Variants in ATAD3A observed in about 807,000 individuals in gnomAD.
ATAD3A encodes ATPase family AAA domain-containing protein 3A.
In ATAD3A, 46 loss-of-function variants were observed where a neutral mutation model predicts 73.8. The observed-to-expected ratio is 0.62, with a 90% CI of 0.49 to 0.80. ATAD3A has a LOEUF of 0.80. Ranked by LOEUF, ATAD3A falls within the 30% of genes least tolerant of loss-of-function variation. ATAD3A has a pLI of 0.00. For synonymous variants in ATAD3A, 319 were observed against 350.0 expected, an observed-to-expected ratio of 0.91 and a Z score of 0.99; for missense variants, 705 against 838.0, an observed-to-expected ratio of 0.84 and a Z score of 1.96.
rs770982421 is a variant in ATAD3A at position 1,523,554 on chromosome 1, G to T, written c.950G>T (p.Gly317Val). The T allele has an allele frequency of 1.5e-5, 24 of 1,613,052 alleles. 1 individual carries two copies. The South Asian group carries it at 1.8e-4, about 12-fold the overall frequency. ...AGTCGACCCCAGGACGCGCTGGAGG[G>T]TGTTGTGCTCAGTGTAAGTCGGTGT... Reference protein sequence around the residue: ...LLSRPQDALEGVVLSPSLEAR... With the variant: ...LLSRPQDALEVVVLSPSLEAR... Residue 317 changes from glycine (G) to valine (V), a missense_variant, in exon 9 of 16, where the codon GGT (glycine) becomes GTT (valine). Gly to Val is a moderately radical substitution (Grantham distance 109). Coordinates refer to ENST00000378756, the MANE Select transcript of ATAD3A (RefSeq NM_001170535.3). The surrounding 1 kb of genome is among the most constrained non-coding windows in gnomAD (Gnocchi z 5.1).
intron 13 of ATAD3A, among the ~76,000 whole-genome samples, chr1:1,526,799 T>C (rs1641863211): frequency 6.6e-6 from 1 of 152,238 alleles, no homozygotes; most frequent in South Asian, 2.1e-4. Context: ...TGCAGGTCCC[T>C]CTGCCCCTAG....
Position 1,534,548 on chromosome 1 carries a change from TCA to T in ATAD3A, c.*482_*483del, listed in dbSNP as rs1049392901. On this transcript the variant is annotated 3_prime_UTR_variant, in exon 16 of 16. Transcript: ENST00000378756. ...CCTGTGGCCGGCATGCCCCGATCTT[TCA>T]CACACTGGTGACCCTGAGAGAGGAG... is the stretch of plus-strand genomic sequence containing the variant. 1.3e-5 allele frequency: 5 copies of T among 383,994 alleles called. No homozygotes were observed. The highest frequency in any genetic ancestry group is 4.8e-5 in the Admixed American group (1 of 20,700). The allele number at this position is 383,994 out of a possible 1,614,324, so 23.8% of individuals were successfully genotyped here. A position where few individuals can be genotyped will look rare whatever the true frequency, so the allele number is the denominator to read the frequency against.
chr1:1,529,146 C>A (rs902135391), intron 14 of ATAD3A, 77 bp from the exon 15 acceptor site: 2 of 1,573,900 alleles, frequency 1.3e-6, no homozygotes, highest in African/African-American at 2.7e-5. Flanking sequence ...GTCGGCCTCG[C>A]TGCCTGTCTT....
At chr1:1,518,666 TACACACACAC>T (rs113798902) in intron 4 of ATAD3A, among the ~76,000 whole-genome samples, 8 of 41,298 alleles carry the variant, frequency 1.9e-4, no homozygotes, top group Admixed American at 1.4e-3. Flanking sequence ...CCCGCACGGG[TACACACACAC>T]ACACACACAC....
At chr1:1,512,673 C>G (rs1404600829) in intron 1 of ATAD3A, 200 bp downstream of exon 1, 1 of 1,342,670 alleles carries the variant, frequency 7.4e-7, no homozygotes, top group African/African-American at 1.5e-5. Flanking sequence ...ACCTCTGCAG[C>G]TGTCAGGAGC....
rs1290612336 is a variant in ATAD3A, at chr1:1,517,700, C to T, written c.385-16C>T. ...TCCCGGCTGAGATGTGTCTTTGCCG[C>T]CCTCTTCTCCCCCAGAGGGCCCAGT... On this transcript the variant is annotated splice_polypyrimidine_tract_variant and intron_variant, in intron 3 of 15. Coordinates refer to ENST00000378756, the MANE Select transcript of ATAD3A (RefSeq NM_001170535.3). The T allele has an allele frequency of 3.7e-6, 5 of 1,345,296 alleles. No homozygotes were observed. The highest frequency in any genetic ancestry group is 3.6e-5 in the Admixed American group (2 of 55,986). 83.3% of individuals were successfully genotyped at this position (1,345,296 alleles called of 1,614,324 possible).
chr1:1,512,704 T>G, intron 1 of ATAD3A: 1 of 1,245,874 alleles, frequency 8.0e-7, no homozygotes, highest in Non-Finnish European at 1.0e-6. Context: ...CGGAAAGCGG[T>G]GCGGAGGTGG....
chr1:1,521,329 A>AC lies in ATAD3A; in HGVS notation c.750+714dup, dbSNP rs70949594. 2.3e-4 allele frequency among the ~76,000 whole-genome samples: 34 copies of AC among 149,536 alleles called. No individual in the cohort carries two copies. The East Asian group carries it at 6.5e-3, about 29-fold the overall frequency. On this transcript the variant is annotated intron_variant, in intron 7 of 15. Coordinates refer to ENST00000378756, the MANE Select transcript of ATAD3A (RefSeq NM_001170535.3). ...AAAAAAAAAAAAAAAAAAAAAAAAAACCAGAAGGCAACCCTGACTCCATTT... is the reference window on the plus strand; with the variant it reads ...AAAAAAAAAAAAAAAAAAAAAAAAAACCCAGAAGGCAACCCTGACTCCATTT...
chr1:1,521,694 G>A (rs1242087389), intron 7 of ATAD3A, among the ~76,000 whole-genome samples: 1 of 152,220 alleles, frequency 6.6e-6, no homozygotes, highest in Non-Finnish European at 1.5e-5. Flanking sequence ...TTAATGCGCC[G>A]ATGACTTTTG....
intron 12 of ATAD3A, among the ~76,000 whole-genome samples, chr1:1,526,146 C>T (rs188122389): frequency 6.6e-6 from 1 of 152,150 alleles, no homozygotes; most frequent in Admixed American, 6.5e-5. Context: ...CCTCAGCCTC[C>T]CACGTAGCTG....
In ATAD3A at chr1:1,523,425, T is replaced by C; in HGVS notation, c.907-86T>C. On this transcript the variant is annotated intron_variant, in intron 8 of 15. Transcript: ENST00000378756. This position sits in a 1 kb window ranked among gnomAD's most constrained non-coding sequence, Gnocchi z 5.1. Reference sequence around the variant, plus strand: ...GCTTTGGGGCAGCTCCGTTTCTGCGTGTTACCGAGCGTGTGTGTGCGCGTT... The same window carrying C: ...GCTTTGGGGCAGCTCCGTTTCTGCGCGTTACCGAGCGTGTGTGTGCGCGTT... The C allele has an allele frequency of 6.5e-7, 1 of 1,549,600 alleles. No individual in the cohort carries two copies. Among genetic ancestry groups the C allele is most frequent in the Non-Finnish European group, 8.7e-7 (1 of 1,143,632 alleles).
At chr1:1,526,622 C>G (rs1353840235) in intron 13 of ATAD3A, 91 bp downstream of exon 13, 1 of 1,595,170 alleles carries the variant, frequency 6.3e-7, no homozygotes, top group Non-Finnish European at 8.5e-7. Context: ...GGCCCTGGCT[C>G]ACAGTGCTGG....
chr1:1,516,139 G>T, intron 2 of ATAD3A, 51 bp downstream of exon 2: 4 of 1,610,166 alleles, frequency 2.5e-6, no homozygotes, highest in Non-Finnish European at 3.4e-6. Flanking sequence ...TGGGGTTCGG[G>T]CATGGAGATT....
intron 15 of ATAD3A, among the ~76,000 whole-genome samples, chr1:1,529,856 G>T (rs947739700): frequency 2.0e-5 from 3 of 152,234 alleles, no homozygotes; most frequent in African/African-American, 7.2e-5. Flanking sequence ...GGGCTGAGGA[G>T]CCAGGACTCA....
In ATAD3A at chr1:1,523,805, A is replaced by G. The variant is rs1641696465; in HGVS notation, c.964-34A>G. 5 of 1,613,520 alleles carry G rather than the reference A, an allele frequency of 3.1e-6. No homozygotes were observed. In the East Asian group the frequency reaches 6.7e-5, roughly 22 times the overall value. On this transcript the variant is annotated intron_variant, in intron 9 of 15. Transcript: ENST00000378756. This position sits in a 1 kb window ranked among gnomAD's most constrained non-coding sequence, Gnocchi z 5.1. ...TCCCCTGAGGCTTCCATGGGTGCAC[A>G]GTGTCTCCTCCAAACCCCCGTCTTC... is the stretch of plus-strand genomic sequence containing the variant.
chr1:1,514,809 C>T (rs1275454125), intron 1 of ATAD3A, among the ~76,000 whole-genome samples: 3 of 152,206 alleles, frequency 2.0e-5, no homozygotes, highest in Non-Finnish European at 4.4e-5. Flanking sequence ...GGGAACAACG[C>T]ACCAACCCAG....
At position 1,521,590 on chromosome 1, in the gene ATAD3A, T is replaced by C. The variant is rs180967524; in HGVS notation, c.750+973T>C. Among the ~76,000 whole-genome samples, 280 of 152,352 alleles carry C rather than the reference T, an allele frequency of 1.8e-3. 3 individuals are homozygous for C. Among genetic ancestry groups the C allele is most frequent in the Non-Finnish European group, 3.1e-3 (211 of 68,038 alleles). On this transcript the variant is annotated intron_variant, in intron 7 of 15. Coordinates refer to ENST00000378756, the MANE Select transcript of ATAD3A (RefSeq NM_001170535.3). Reference sequence around the variant, plus strand: ...CGCCCAGAGCTGTGACTGCAGCGCCTGCCGGTGGCCTGGTCAGTGTGACGG... The same window carrying C: ...CGCCCAGAGCTGTGACTGCAGCGCCCGCCGGTGGCCTGGTCAGTGTGACGG...
chr1:1,528,647 A>G (rs544502938), intron 14 of ATAD3A, among the ~76,000 whole-genome samples: 1 of 152,336 alleles, frequency 6.6e-6, no homozygotes, highest in East Asian at 1.9e-4. Context: ...TGCCTCGGGA[A>G]CACTCCAGAT....
At chr1:1,529,416 G>A (rs963285137) in intron 15 of ATAD3A, 85 bp downstream of exon 15, 31 of 1,498,832 alleles carry the variant, frequency 2.1e-5, no homozygotes, top group African/African-American at 1.1e-4. Flanking sequence ...TCCCAGCACC[G>A]GTGTCACGCG....
Sources: gnomAD v4.1 joint callset for allele counts (sites outside exome capture counted in the v4.1 genomes callset) on GRCh38, gnomAD v4.1.1 for gene constraint, Gnocchi (gnomAD v3.1) non-coding constraint, MANE v1.5 for transcripts, NCBI Gene and HGNC (gene_info 2026-07-23, HGNC 2026-07-21) for gene names.